The following HES3 variants were observed in gnomAD, a reference collection of about 807,000 sequenced individuals.
The protein encoded by HES3 is hes family bHLH transcription factor 3, also known as transcription factor HES-3.
HES3 carries 6 observed loss-of-function variants against 8.0 expected under a neutral mutation model. The observed-to-expected ratio is 0.75, with a 90% CI of 0.41 to 1.49. The LOEUF is 1.49. Ranked by LOEUF, HES3 falls within the 40% of genes most tolerant of loss-of-function variation. The pLI is 0.01. For missense variants in HES3, 266 were observed against 260.9 expected, an observed-to-expected ratio of 1.02 and a Z score of -0.13; for synonymous variants, 121 against 119.4, an observed-to-expected ratio of 1.01 and a Z score of -0.09.
chr1:6,244,258 G>T lies in HES3; in HGVS notation c.-16+17G>T, dbSNP rs1638252663. On this transcript the variant is annotated intron_variant, in intron 1 of 3. Coordinates refer to ENST00000377898, the MANE Select transcript of HES3 (RefSeq NM_001024598.4). Reference sequence around the variant, plus strand: ...TTCCGAAAGGTCTGGGGTCTTGAGGGACTAGGGGCAGGCACCCTTCCCCGG... The same window carrying T: ...TTCCGAAAGGTCTGGGGTCTTGAGGTACTAGGGGCAGGCACCCTTCCCCGG... 5.3e-5 allele frequency: 54 copies of T among 1,017,926 alleles called. No individual in the cohort carries two copies. In the South Asian group the frequency reaches 6.8e-4, roughly 13 times the overall value. 63.1% of individuals were successfully genotyped at this position (1,017,926 alleles called of 1,614,324 possible).
chr1:6,245,342 C>A lies in HES3; in HGVS notation c.396C>A (p.Gly132=). 6.7e-7 allele frequency: 1 copy of A among 1,500,738 alleles called. No individual in the cohort carries two copies. 93.0% of individuals were successfully genotyped at this position (1,500,738 alleles called of 1,614,324 possible). A position where few individuals can be genotyped will look rare whatever the true frequency, so the allele number is the denominator to read the frequency against. Reference sequence around the variant, plus strand: ...TCTGGGCTCCTGCTCCGGCCGCCGGCGGCCCGCGGTCCCCACCACCCCTGC... The same window carrying A: ...TCTGGGCTCCTGCTCCGGCCGCCGGAGGCCCGCGGTCCCCACCACCCCTGC... The part of the protein sequence containing the change: ...PAVWAPAPAA[G]GPRSPPPLLL... The change falls in exon 4 of 4, where the codon GGC becomes GGA. Residue 132 remains glycine (G), a synonymous_variant. Transcript: ENST00000377898.
rs529498343 is a variant in HES3 at position 6,244,645 on chromosome 1, G to A, written c.163+16G>A. The A allele has an allele frequency of 5.6e-6, 9 of 1,604,002 alleles. No homozygotes were observed. In the East Asian group the frequency reaches 2.0e-4, roughly 36 times the overall value. On this transcript the variant is annotated intron_variant, in intron 3 of 3. Coordinates refer to ENST00000377898, the MANE Select transcript of HES3 (RefSeq NM_001024598.4). ...TCCTTGCAAGGTATAGGGGAGGGCT[G>A]GAGGGAGGAGGGGGAGGCTTGTGGG...
chr1:6,244,619 C>T lies in HES3; in HGVS notation c.153C>T (p.Asn51=). Residue 51 remains asparagine, a synonymous_variant, in exon 3 of 4, where the codon AAC becomes AAT. Coordinates refer to ENST00000377898, the MANE Select transcript of HES3 (RefSeq NM_001024598.4). The part of the protein sequence containing the change: ...LSVKYMRSLQ[N]SLQGLWPVPR... ...TGAAGTACATGAGAAGCCTTCAGAA[C>T]TCCTTGCAAGGTATAGGGGAGGGCT... is the stretch of plus-strand genomic sequence containing the variant. 2 of 1,613,482 alleles carry T rather than the reference C, an allele frequency of 1.2e-6. No homozygotes were observed. Among genetic ancestry groups the T allele is most frequent in the Admixed American group, 1.7e-5 (1 of 59,962 alleles).
chr1:6,245,270 G>A lies in HES3; in HGVS notation c.324G>A (p.Gly108=). The change falls in exon 4 of 4, where the codon GGG becomes GGA. Residue 108 remains glycine (G), a synonymous_variant. Transcript: ENST00000377898. ...CCGGCAGCACCATGGACAGCGCCGG[G>A]TTGGGCCAGGAGGCGCCCGCGCTGT... ...SAAGSTMDSA[G]LGQEAPALFR... is the part of the protein sequence containing the mutation. 4 of 1,500,886 alleles carry A rather than the reference G, an allele frequency of 2.7e-6. No homozygotes were observed. Among genetic ancestry groups the A allele is most frequent in the Non-Finnish European group, 3.5e-6 (4 of 1,133,328 alleles). The allele number at this position is 1,500,886 out of a possible 1,614,324, so 93.0% of individuals were successfully genotyped here. A position where few individuals can be genotyped will look rare whatever the true frequency, so the allele number is the denominator to read the frequency against.
Position 6,245,550 on chromosome 1 carries a change from G to A in HES3, c.*43G>A. On this transcript the variant is annotated 3_prime_UTR_variant, in exon 4 of 4. Transcript: ENST00000377898. ...TCTCGCGACACAGGGACTATTTTCA[G>A]CACGCCCACAGTGACTGCCAGGACC... 6.9e-7 allele frequency: 1 copy of A among 1,447,070 alleles called. No individual in the cohort carries two copies. The highest frequency in any genetic ancestry group is 9.0e-7 in the Non-Finnish European group (1 of 1,109,858). The allele number at this position is 1,447,070 out of a possible 1,614,324, so 89.6% of individuals were successfully genotyped here.
intron 3 of HES3, among the ~76,000 whole-genome samples, chr1:6,244,872 C>T (rs1638268071): frequency 6.6e-6 from 1 of 151,988 alleles, no homozygotes; most frequent in South Asian, 2.1e-4. Flanking sequence ...GCTGGCTGTG[C>T]GATTGCAATC....
rs1329072227 is a variant in HES3, at chr1:6,245,150, C to G, written c.204C>G (p.Gly68=). 1 of 1,530,688 alleles carries G rather than the reference C, an allele frequency of 6.5e-7. No homozygotes were observed. Among genetic ancestry groups the G allele is most frequent in the Non-Finnish European group, 8.7e-7 (1 of 1,145,620 alleles). 94.8% of individuals were successfully genotyped at this position (1,530,688 alleles called of 1,614,324 possible). Residue 68 remains glycine (G), a synonymous_variant, in exon 4 of 4, where the codon GGC becomes GGG. Coordinates refer to ENST00000377898, the MANE Select transcript of HES3 (RefSeq NM_001024598.4). ...CCAGGGGAGCCGAGCAACCGTCGGGCTTCCGCAGCTGCCTGCCCGGCGTGA... is the reference window on the plus strand; with the variant it reads ...CCAGGGGAGCCGAGCAACCGTCGGGGTTCCGCAGCTGCCTGCCCGGCGTGA... The part of the protein sequence containing the change: ...PVPRGAEQPS[G]FRSCLPGVSQ...
Position 6,244,337 on chromosome 1 carries a change from C to T in HES3, c.-15-14C>T, listed in dbSNP as rs1638257711. 1 of 1,608,950 alleles carries T rather than the reference C, an allele frequency of 6.2e-7. No individual in the cohort carries two copies. The highest frequency in any genetic ancestry group is 1.3e-5 in the African/African-American group (1 of 74,792). On this transcript the variant is annotated splice_polypyrimidine_tract_variant and intron_variant, in intron 1 of 3. Transcript: ENST00000377898. ...GGGTGGCAGTCCTGCACTCTAAAGG[C>T]TGTTCATCTGCAGATTTCCAAGCCG...
At position 6,245,191 on chromosome 1, in the gene HES3, G is replaced by T. The variant is rs1211352677; in HGVS notation, c.245G>T (p.Arg82Leu). Residue 82 changes from arginine (R) to leucine (L), a missense_variant, in exon 4 of 4, where the codon CGC becomes CTC. Physicochemically the swap from Arg to Leu is moderately radical, Grantham distance 102. Transcript: ENST00000377898. ...CLPGVSQLLR[R>L]GDEVGSGLRC... ...CCCGGCGTGAGCCAGCTCCTTCGGCGCGGAGATGAGGTCGGCAGCGGCCTG... is the reference window on the plus strand; with the variant it reads ...CCCGGCGTGAGCCAGCTCCTTCGGCTCGGAGATGAGGTCGGCAGCGGCCTG... 15 of 1,526,074 alleles carry T rather than the reference G, an allele frequency of 9.8e-6. No individual in the cohort carries two copies. The highest frequency in any genetic ancestry group is 1.4e-5 in the African/African-American group (1 of 71,540). 94.5% of individuals were successfully genotyped at this position (1,526,074 alleles called of 1,614,324 possible).
rs960602071 is a variant in HES3, at chr1:6,245,251, G to C, written c.305G>C (p.Ser102Thr). The change falls in exon 4 of 4, where the codon AGC becomes ACC. Residue 102 changes from serine to threonine, a missense_variant. Transcript: ENST00000377898. ...CTGGTGCCCGAGAGCGCCGCCGGCA[G>C]CACCATGGACAGCGCCGGGTTGGGC... ...CPLVPESAAG[S>T]TMDSAGLGQE... is the part of the protein sequence containing the mutation. The C allele has an allele frequency of 6.6e-7, 1 of 1,517,446 alleles. No individual in the cohort carries two copies. The highest frequency in any genetic ancestry group is 8.8e-7 in the Non-Finnish European group (1 of 1,138,830). 94.0% of individuals were successfully genotyped at this position (1,517,446 alleles called of 1,614,324 possible).
In HES3 at chr1:6,245,574, C is replaced by G; in HGVS notation, c.*67C>G. 3.6e-6 allele frequency: 5 copies of G among 1,384,006 alleles called. No individual in the cohort carries two copies. Among genetic ancestry groups the G allele is most frequent in the East Asian group, 2.8e-5 (1 of 35,780 alleles). The allele number at this position is 1,384,006 out of a possible 1,614,324, so 85.7% of individuals were successfully genotyped here. A position where few individuals can be genotyped will look rare whatever the true frequency, so the allele number is the denominator to read the frequency against. On this transcript the variant is annotated 3_prime_UTR_variant, in exon 4 of 4. Coordinates refer to ENST00000377898, the MANE Select transcript of HES3 (RefSeq NM_001024598.4). Reference sequence around the variant, plus strand: ...AGCACGCCCACAGTGACTGCCAGGACCCCCCAGTCGTCCGTTCTGGTCGTG... The same window carrying G: ...AGCACGCCCACAGTGACTGCCAGGAGCCCCCAGTCGTCCGTTCTGGTCGTG...
Position 6,245,460 on chromosome 1 carries a change from C to T in HES3, c.514C>T (p.Leu172=). ...SRCAESPGLG[L]RVWRPWGSPG... ...CTGCGCCGAGAGTCCCGGGCTGGGC[C>T]TGCGCGTGTGGCGGCCCTGGGGAAG... The change falls in exon 4 of 4, where the codon CTG becomes TTG. Residue 172 remains leucine, a synonymous_variant. Transcript: ENST00000377898. 6.5e-7 allele frequency: 1 copy of T among 1,529,332 alleles called. No individual in the cohort carries two copies. Among genetic ancestry groups the T allele is most frequent in the Non-Finnish European group, 8.7e-7 (1 of 1,152,600 alleles). 94.7% of individuals were successfully genotyped at this position (1,529,332 alleles called of 1,614,324 possible). A position where few individuals can be genotyped will look rare whatever the true frequency, so the allele number is the denominator to read the frequency against.
At chr1:6,244,658 G>A (rs766740073) in intron 3 of HES3, 29 bp downstream of exon 3, 4 of 1,586,100 alleles carry the variant, frequency 2.5e-6, no homozygotes, top group Non-Finnish European at 3.5e-6. Context: ...GGGAGGAGGG[G>A]GAGGCTTGTG....
chr1:6,245,231 G>A lies in HES3; in HGVS notation c.285G>A (p.Val95=), dbSNP rs1231946878. 6.6e-7 allele frequency: 1 copy of A among 1,521,916 alleles called. No individual in the cohort carries two copies. The highest frequency in any genetic ancestry group is 8.8e-7 in the Non-Finnish European group (1 of 1,140,776). The allele number at this position is 1,521,916 out of a possible 1,614,324, so 94.3% of individuals were successfully genotyped here. Residue 95 remains valine, a synonymous_variant, in exon 4 of 4, where the codon GTG becomes GTA. Coordinates refer to ENST00000377898, the MANE Select transcript of HES3 (RefSeq NM_001024598.4). ...GCAGCGGCCTGCGCTGCCCCCTGGT[G>A]CCCGAGAGCGCCGCCGGCAGCACCA... ...EVGSGLRCPL[V]PESAAGSTMD...
In HES3 at chr1:6,244,613, T is replaced by G. The variant is rs1638262452; in HGVS notation, c.147T>G (p.Leu49=). The change falls in exon 3 of 4, where the codon CTT becomes CTG. Residue 49 remains leucine, a synonymous_variant. Coordinates refer to ENST00000377898, the MANE Select transcript of HES3 (RefSeq NM_001024598.4). ...TGAGCGTGAAGTACATGAGAAGCCT[T>G]CAGAACTCCTTGCAAGGTATAGGGG... is the stretch of plus-strand genomic sequence containing the variant. ...LELSVKYMRS[L]QNSLQGLWPV... is the part of the protein sequence containing the mutation. The G allele has an allele frequency of 6.2e-7, 1 of 1,613,304 alleles. No homozygotes were observed. The highest frequency in any genetic ancestry group is 1.1e-5 in the South Asian group (1 of 90,898).
chr1:6,245,395 C>T lies in HES3; in HGVS notation c.449C>T (p.Ser150Leu). The T allele has an allele frequency of 3.3e-6, 5 of 1,528,630 alleles. No individual in the cohort carries two copies. The highest frequency in any genetic ancestry group is 2.0e-5 in the Admixed American group (1 of 49,974). 94.7% of individuals were successfully genotyped at this position (1,528,630 alleles called of 1,614,324 possible). A position where few individuals can be genotyped will look rare whatever the true frequency, so the allele number is the denominator to read the frequency against. ...LLLLPESLPGSSASVPPPQPA... is the reference protein window; with the variant it reads ...LLLLPESLPGLSASVPPPQPA... The stretch of plus-strand genomic sequence containing the variant: ...CTCCTCCCCGAAAGTCTCCCTGGCT[C>T]GTCCGCCAGCGTCCCCCCGCCGCAG... Residue 150 changes from serine (S) to leucine (L), a missense_variant, in exon 4 of 4, where the codon TCG (serine) becomes TTG (leucine). Ser to Leu is a moderately radical substitution (Grantham distance 145, BLOSUM62 -2). Transcript: ENST00000377898.
Position 6,244,250 on chromosome 1 carries a change from T to A in HES3, c.-16+9T>A, listed in dbSNP as rs1368660440. ...CCGGCAACTTCCGAAAGGTCTGGGG[T>A]CTTGAGGGACTAGGGGCAGGCACCC... On this transcript the variant is annotated intron_variant, in intron 1 of 3. Coordinates refer to ENST00000377898, the MANE Select transcript of HES3 (RefSeq NM_001024598.4). 5.4e-6 allele frequency: 5 copies of A among 930,108 alleles called. No individual in the cohort carries two copies. Among genetic ancestry groups the A allele is most frequent in the Non-Finnish European group, 8.7e-6 (5 of 575,320 alleles). 57.6% of individuals were successfully genotyped at this position (930,108 alleles called of 1,614,324 possible). A position where few individuals can be genotyped will look rare whatever the true frequency, so the allele number is the denominator to read the frequency against.
chr1:6,245,426 G>A lies in HES3; in HGVS notation c.480G>A (p.Ala160=). ...SSASVPPPQP[A]SSRCAESPGL... is the part of the protein sequence containing the mutation. The stretch of plus-strand genomic sequence containing the variant: ...CCAGCGTCCCCCCGCCGCAGCCAGC[G>A]TCGAGTCGCTGCGCCGAGAGTCCCG... Residue 160 remains alanine, a synonymous_variant, in exon 4 of 4, where the codon GCG becomes GCA. Coordinates refer to ENST00000377898, the MANE Select transcript of HES3 (RefSeq NM_001024598.4). 2 of 1,555,304 alleles carry A rather than the reference G, an allele frequency of 1.3e-6. No homozygotes were observed. The highest frequency in any genetic ancestry group is 1.2e-5 in the South Asian group (1 of 85,216).
rs1311250955 is a variant in HES3, at chr1:6,245,052, T to TC, written c.164-54dup. On this transcript the variant is annotated intron_variant, in intron 3 of 3. Transcript: ENST00000377898. ...CCCCTTCCCCTCCTCTCCCTCCCCC[T>TC]CCCCTTCCCCTTCCCTCTCTTCCCC... The TC allele has an allele frequency of 5.0e-3, 693 of 139,488 alleles. 6 individuals are homozygous for TC. The highest frequency in any genetic ancestry group is 0.036 in the African/African-American group (641 of 17,650). The allele number at this position is 139,488 out of a possible 1,614,324, so 8.6% of individuals were successfully genotyped here.
Sources: gnomAD v4.1 joint callset for allele counts (sites outside exome capture counted in the v4.1 genomes callset) on GRCh38, gnomAD v4.1.1 for gene constraint, MANE v1.5 for transcripts, NCBI Gene and HGNC (gene_info 2026-07-23, HGNC 2026-07-21) for gene names.